The following MCEE variants were observed in gnomAD, a reference collection of about 807,000 sequenced individuals.
MCEE encodes the protein methylmalonyl-CoA epimerase, also known as methylmalonyl-CoA epimerase, mitochondrial.
A neutral mutation model predicts 12.9 loss-of-function variants in MCEE; 6 were observed. That is an observed-to-expected ratio of 0.47 (90% CI 0.26 to 0.92). MCEE has a LOEUF of 0.92. Among genes scored for constraint, MCEE ranks in the 40% least tolerant of loss-of-function variants. MCEE has a pLI of 0.16. For synonymous variants in MCEE, 78 were observed against 77.9 expected (o/e 1.00, Z -0.01); for missense variants, 214 against 212.1 (o/e 1.01, Z -0.05).
intron 1 of MCEE, chr2:71,129,591 T>C (rs993723034): frequency 6.5e-6 from 1 of 153,336 alleles, no homozygotes. Context: ...GTACATATTT[T>C]AAAAAAAATG....
intron 2 of MCEE, among the ~76,000 whole-genome samples, chr2:71,118,834 T>A: frequency 6.7e-6 from 1 of 149,412 alleles, no homozygotes; most frequent in East Asian, 1.9e-4. Flanking sequence ...CCCTCCTCAC[T>A]CTGACACTGC....
At chr2:71,121,612 C>G (rs1312136405) in intron 2 of MCEE, among the ~76,000 whole-genome samples, 1 of 152,060 alleles carries the variant, frequency 6.6e-6, no homozygotes, top group Non-Finnish European at 1.5e-5. Flanking sequence ...CTATTCCTTA[C>G]TTAACTGAAC....
In MCEE at chr2:71,125,211, A is replaced by ATTTTTTTTTTT. The variant is rs1243506608; in HGVS notation, c.41-679_41-669dup. ...TAAATATATATATATATATATATAT[A>ATTTTTTTTTTT]TTTTTTTTTTTTTTTGAGACGGAGT... On this transcript the variant is annotated intron_variant, in intron 1 of 2. Transcript: ENST00000244217. 3.5e-3 allele frequency among the ~76,000 whole-genome samples: 168 copies of ATTTTTTTTTTT among 48,592 alleles called. 2 individuals are homozygous for ATTTTTTTTTTT. The highest frequency in any genetic ancestry group is 4.9e-3 in the African/African-American group (81 of 16,606). 31.9% of individuals were successfully genotyped at this position (48,592 alleles called of 152,430 possible).
At chr2:71,119,706 C>A (rs1192328085) in intron 2 of MCEE, among the ~76,000 whole-genome samples, 1 of 150,094 alleles carries the variant, frequency 6.7e-6, no homozygotes, top group Admixed American at 6.6e-5. Flanking sequence ...CAGTGAAGGA[C>A]AGAGTGATAC....
chr2:71,111,161 A>G (rs906597486), intron 2 of MCEE, among the ~76,000 whole-genome samples: 1 of 152,096 alleles, frequency 6.6e-6, no homozygotes, highest in Non-Finnish European at 1.5e-5. Flanking sequence ...TGTATTCCTG[A>G]TATTTCTTTT....
chr2:71,119,595 T>C (rs1673060212), intron 2 of MCEE, among the ~76,000 whole-genome samples: 1 of 150,346 alleles, frequency 6.7e-6, no homozygotes, highest in Admixed American at 6.6e-5. Context: ...TAATCCTCTC[T>C]GGAAAATGAG....
At chr2:71,111,370 T>A (rs1672881919) in intron 2 of MCEE, among the ~76,000 whole-genome samples, 1 of 152,150 alleles carries the variant, frequency 6.6e-6, no homozygotes, top group African/African-American at 2.4e-5. Context: ...CAATTTTATC[T>A]TATTTTTAAA....
chr2:71,121,157 T>G (rs1480378049), intron 2 of MCEE, among the ~76,000 whole-genome samples: 1 of 152,200 alleles, frequency 6.6e-6, no homozygotes, highest in African/African-American at 2.4e-5. Context: ...ACTGCCTAGC[T>G]AGAGACTACA....
chr2:71,115,973 G>T (rs923535600), intron 2 of MCEE, among the ~76,000 whole-genome samples: 3 of 150,104 alleles, frequency 2.0e-5, no homozygotes, highest in South Asian at 2.1e-4. Context: ...TTTAAAAAAG[G>T]GGGGGGTTAT....
At chr2:71,128,686 C>A (rs942536822) in intron 1 of MCEE, among the ~76,000 whole-genome samples, 1 of 152,006 alleles carries the variant, frequency 6.6e-6, no homozygotes, top group Admixed American at 6.5e-5. Context: ...TGTGCTACCA[C>A]GCCCGGCTAA....
chr2:71,126,648 A>AGAACACT (rs1673240006), intron 1 of MCEE, among the ~76,000 whole-genome samples: 1 of 150,986 alleles, frequency 6.6e-6, no homozygotes, highest in Admixed American at 6.6e-5. Context: ...AACTGGGTAG[A>AGAACACT]GAACACTGAA....
At position 71,124,437 on chromosome 2, in the gene MCEE, G is replaced by A. The variant is rs1673175120; in HGVS notation, c.147C>T (p.Asn49=). 6.2e-7 allele frequency: 1 copy of A among 1,614,034 alleles called. No homozygotes were observed. Among genetic ancestry groups the A allele is most frequent in the Non-Finnish European group, 8.5e-7 (1 of 1,180,034 alleles). The change falls in exon 2 of 3, where the codon AAC becomes AAT. Residue 49 remains asparagine (N), a synonymous_variant. Coordinates refer to ENST00000244217, the MANE Select transcript of MCEE (RefSeq NM_032601.4). ...AATCTGGCACTGCTATGGCTACATG[G>A]TTGAGTCGACCCAGGTTCCACACAG... ...TGSVWNLGRL[N]HVAIAVPDLE...
chr2:71,114,519 T>C (rs192554906), intron 2 of MCEE, among the ~76,000 whole-genome samples: 19 of 152,366 alleles, frequency 1.2e-4, no homozygotes, highest in Admixed American at 2.6e-4. Flanking sequence ...AAGATGTTCA[T>C]AATTTTTTTA....
chr2:71,125,187 A>AT lies in MCEE; in HGVS notation c.41-645_41-644insA, dbSNP rs1491301244. On this transcript the variant is annotated intron_variant, in intron 1 of 2. Coordinates refer to ENST00000244217, the MANE Select transcript of MCEE (RefSeq NM_032601.4). Reference sequence around the variant, plus strand: ...TGTGTGTATGTGTGTGTATATATATAAATATATATATATATATATATATAT... The same window carrying AT: ...TGTGTGTATGTGTGTGTATATATATATAATATATATATATATATATATATAT... Among the ~76,000 whole-genome samples the AT allele has an allele frequency of 9.5e-4, 52 of 54,634 alleles. 1 individual carries two copies. Among genetic ancestry groups the AT allele is most frequent in the Non-Finnish European group, 1.8e-3 (45 of 24,524 alleles). 35.8% of individuals were successfully genotyped at this position (54,634 alleles called of 152,430 possible). A position where few individuals can be genotyped will look rare whatever the true frequency, so the allele number is the denominator to read the frequency against.
At chr2:71,129,566 CAT>C (rs1253751011) in intron 1 of MCEE, among the ~76,000 whole-genome samples, 3 of 151,374 alleles carry the variant, frequency 2.0e-5, no homozygotes, top group Non-Finnish European at 4.4e-5. Flanking sequence ...TTATTTCTGT[CAT>C]AACTGATTCT....
intron 2 of MCEE, among the ~76,000 whole-genome samples, chr2:71,114,848 C>A (rs772611517): frequency 6.6e-6 from 1 of 152,046 alleles, no homozygotes; most frequent in Non-Finnish European, 1.5e-5. Context: ...AACTGTTGAA[C>A]CTGGGTGATG....
At chr2:71,115,151 G>A (rs1672966149) in intron 2 of MCEE, among the ~76,000 whole-genome samples, 1 of 152,196 alleles carries the variant, frequency 6.6e-6, no homozygotes, top group Non-Finnish European at 1.5e-5. Flanking sequence ...GCACTTAGGT[G>A]GGGCCAAGGT....
intron 2 of MCEE, chr2:71,117,478 T>C (rs1290117965): frequency 6.6e-6 from 1 of 150,522 alleles, no homozygotes; most frequent in Non-Finnish European, 1.5e-5. Context: ...CCTTTCTTGA[T>C]TGAAGAACAA....
At position 71,125,595 on chromosome 2, in the gene MCEE, G is replaced by C. The variant is rs565171518; in HGVS notation, c.41-1052C>G. On this transcript the variant is annotated intron_variant, in intron 1 of 2. Transcript: ENST00000244217. ...TGACCTCAGGTGATCCACCCACCTC[G>C]GTCTCCCAAAGTGCTGGGATTATAG... Among the ~76,000 whole-genome samples the C allele has an allele frequency of 2.0e-5, 3 of 152,034 alleles. No homozygotes were observed. The South Asian group carries it at 6.2e-4, about 32-fold the overall frequency.
Sources: allele counts gnomAD v4.1 joint callset (sites outside exome capture counted in the v4.1 genomes callset), GRCh38; gene constraint gnomAD v4.1.1; transcripts MANE v1.5; gene names NCBI Gene and HGNC (gene_info 2026-07-23, HGNC 2026-07-21).